RCAN2: variants seen among roughly 807,000 people sequenced by gnomAD.
RCAN2 encodes regulator of calcineurin 2.
Under a neutral mutation model 23.6 loss-of-function variants are expected in RCAN2, and 9 were observed. That is an observed-to-expected ratio of 0.38 (90% CI 0.23 to 0.67). The LOEUF (loss-of-function observed/expected upper bound fraction) is 0.67. Among genes scored for constraint, RCAN2 ranks in the 30% least tolerant of loss-of-function variants. The pLI is 0.51. For synonymous variants in RCAN2, 109 were observed against 115.7 expected, an observed-to-expected ratio of 0.94 and a Z score of 0.37; for missense variants, 273 against 302.3, an observed-to-expected ratio of 0.90 and a Z score of 0.72.
chr6:46,247,965 T>C (rs1766577498), intron 3 of RCAN2, among the ~76,000 whole-genome samples: 1 of 152,228 alleles, frequency 6.6e-6, no homozygotes, highest in Non-Finnish European at 1.5e-5. Context: ...CACATTAGAA[T>C]AGCAATGATG....
intron 2 of RCAN2, among the ~76,000 whole-genome samples, chr6:46,301,753 C>T (rs1338648915): frequency 6.6e-6 from 1 of 151,878 alleles, no homozygotes; most frequent in African/African-American, 2.4e-5. Context: ...TAAAAAGGAA[C>T]CAACCACATA....
At chr6:46,397,059 C>T (rs1766111616) in intron 2 of RCAN2, among the ~76,000 whole-genome samples, 1 of 150,454 alleles carries the variant, frequency 6.6e-6, no homozygotes, top group African/African-American at 2.5e-5. Flanking sequence ...TGCAGTGCGC[C>T]GAGATCACAC....
chr6:46,261,892 C>T (rs1029465712), intron 2 of RCAN2, among the ~76,000 whole-genome samples: 1 of 152,156 alleles, frequency 6.6e-6, no homozygotes, highest in African/African-American at 2.4e-5. Context: ...TGCCTTCAAT[C>T]CTTCCCTTTG....
At chr6:46,294,425 T>C (rs1337112151) in intron 2 of RCAN2, among the ~76,000 whole-genome samples, 1 of 152,168 alleles carries the variant, frequency 6.6e-6, no homozygotes, top group Non-Finnish European at 1.5e-5. Flanking sequence ...AATTCAAAAA[T>C]ACTCATATTA....
At chr6:46,358,318 G>A (rs1764902500) in intron 2 of RCAN2, among the ~76,000 whole-genome samples, 1 of 152,146 alleles carries the variant, frequency 6.6e-6, no homozygotes, top group Non-Finnish European at 1.5e-5. Context: ...TCACTATCAT[G>A]AGCACACTTC....
intron 2 of RCAN2, among the ~76,000 whole-genome samples, chr6:46,292,785 C>T (rs940157236): frequency 6.6e-5 from 10 of 151,962 alleles, no homozygotes; most frequent in African/African-American, 2.4e-4. Flanking sequence ...AGGTTTGTTA[C>T]ATAGGTATAC....
At chr6:46,431,864 A>G (rs1041168032) in intron 2 of RCAN2, among the ~76,000 whole-genome samples, 1 of 152,204 alleles carries the variant, frequency 6.6e-6, no homozygotes, top group African/African-American at 2.4e-5. Flanking sequence ...ATTTCATTTC[A>G]AATTCAAATA....
At chr6:46,356,442 C>A (rs1764833377) in intron 2 of RCAN2, among the ~76,000 whole-genome samples, 1 of 152,098 alleles carries the variant, frequency 6.6e-6, no homozygotes, top group Admixed American at 6.5e-5. Context: ...GGAGGGAAAC[C>A]TGGAGGGTGG....
chr6:46,245,971 C>T (rs867116843), intron 4 of RCAN2, among the ~76,000 whole-genome samples: 10 of 152,080 alleles, frequency 6.6e-5, no homozygotes, highest in Non-Finnish European at 1.2e-4. Flanking sequence ...TACTTTGGGG[C>T]GCAAGGTGTC....
chr6:46,435,129 C>T (rs1408108710), intron 2 of RCAN2, among the ~76,000 whole-genome samples: 2 of 152,232 alleles, frequency 1.3e-5, no homozygotes, highest in Non-Finnish European at 2.9e-5. Context: ...ATACAAATGA[C>T]AACCTGTGCC....
chr6:46,407,875 G>T lies in RCAN2; in HGVS notation c.225+48877C>A, dbSNP rs186120619. On this transcript the variant is annotated intron_variant, in intron 2 of 4. Transcript: ENST00000371374. Reference sequence around the variant, plus strand: ...AAGAGTAAAAAGAAAAAGATTGATGGAGTGCTACGTAAAAATTAAAAACTT... The same window carrying T: ...AAGAGTAAAAAGAAAAAGATTGATGTAGTGCTACGTAAAAATTAAAAACTT... 2.0e-5 allele frequency among the ~76,000 whole-genome samples: 3 copies of T among 152,274 alleles called. No homozygotes were observed. In the East Asian group the frequency reaches 5.8e-4, roughly 29 times the overall value.
chr6:46,239,643 G>A (rs999094704), intron 4 of RCAN2, among the ~76,000 whole-genome samples: 6 of 152,130 alleles, frequency 3.9e-5, no homozygotes, highest in African/African-American at 1.4e-4. Context: ...CCATATCAAA[G>A]TAGGAAATAA....
intron 1 of RCAN2, among the ~76,000 whole-genome samples, chr6:46,464,281 T>A (rs1366152768): frequency 6.6e-6 from 1 of 152,172 alleles, no homozygotes; most frequent in Admixed American, 6.5e-5. Flanking sequence ...TAAAATCCCT[T>A]CAGCTCTAAA....
intron 2 of RCAN2, among the ~76,000 whole-genome samples, chr6:46,286,592 A>T (rs1461806621): frequency 6.6e-6 from 1 of 152,206 alleles, no homozygotes; most frequent in East Asian, 1.9e-4. Context: ...CTGGGGTGGG[A>T]GGATTGGCAT....
chr6:46,490,431 G>T (rs1320421366), intron 1 of RCAN2, among the ~76,000 whole-genome samples: 1 of 152,208 alleles, frequency 6.6e-6, no homozygotes, highest in Non-Finnish European at 1.5e-5. Context: ...ATAGGCAGAA[G>T]TACCTCGAAG....
chr6:46,287,158 T>G (rs1762401666), intron 2 of RCAN2, among the ~76,000 whole-genome samples: 1 of 152,184 alleles, frequency 6.6e-6, no homozygotes, highest in Non-Finnish European at 1.5e-5. Flanking sequence ...AAACTTTGCC[T>G]GAAACGGAGG....
At position 46,352,363 on chromosome 6, in the gene RCAN2, A is replaced by G. The variant is rs1764681054; in HGVS notation, c.226-103467T>C. Among the ~76,000 whole-genome samples, 3 of 152,226 alleles carry G rather than the reference A, an allele frequency of 2.0e-5. No individual in the cohort carries two copies. In the South Asian group the frequency reaches 6.2e-4, roughly 32 times the overall value. ...CAAAGAGGAGGAAATGATGATTTGT[A>G]CCCAAATCTCTGAGAATGGTCCATT... On this transcript the variant is annotated intron_variant, in intron 2 of 4. Coordinates refer to ENST00000371374, the MANE Select transcript of RCAN2 (RefSeq NM_001251974.2).
chr6:46,312,774 A>C (rs184051146), intron 2 of RCAN2, among the ~76,000 whole-genome samples: 55 of 152,340 alleles, frequency 3.6e-4, no homozygotes, highest in Admixed American at 4.6e-4. Flanking sequence ...GCAGTTTCAC[A>C]AGCCCTCATC....
chr6:46,285,526 G>C (rs1762347537), intron 2 of RCAN2, among the ~76,000 whole-genome samples: 1 of 152,132 alleles, frequency 6.6e-6, no homozygotes. Flanking sequence ...GTGATACATG[G>C]GTCAGTTTGA....
Sources: allele counts gnomAD v4.1 joint callset (sites outside exome capture counted in the v4.1 genomes callset), GRCh38; gene constraint gnomAD v4.1.1; transcripts MANE v1.5; gene names NCBI Gene and HGNC (gene_info 2026-07-23, HGNC 2026-07-21).